The following GMCL1 variants were observed in gnomAD, a reference collection of about 807,000 sequenced individuals.
The protein encoded by GMCL1 is germ cell-less 1, spermatogenesis associated.
A neutral mutation model predicts 75.5 loss-of-function variants in GMCL1; 54 were observed. The ratio of observed to expected loss-of-function variants is 0.71; its 90% CI spans 0.57 to 0.90. The LOEUF (loss-of-function observed/expected upper bound fraction) is 0.90. Ranked by LOEUF, GMCL1 falls within the 40% of genes least tolerant of loss-of-function variation. GMCL1 has a pLI of 0.00. For synonymous variants in GMCL1, 210 were observed against 209.6 expected (o/e 1.00, Z -0.02); for missense variants, 537 against 622.7 (o/e 0.86, Z 1.47).
intron 2 of GMCL1, 35 bp from the exon 3 acceptor site, chr2:69,839,422 T>C: frequency 7.9e-7 from 1 of 1,273,398 alleles, no homozygotes. Context: ...ACACAGAAAG[T>C]ACTTGATAAT....
At chr2:69,841,067 G>T (rs780378262) in intron 4 of GMCL1, 28 bp downstream of exon 4, 3 of 1,505,444 alleles carry the variant, frequency 2.0e-6, no homozygotes, top group East Asian at 4.5e-5. Context: ...TCGAAGAAAG[G>T]TTCAGAATAA....
intron 7 of GMCL1, among the ~76,000 whole-genome samples, chr2:69,849,211 C>T (rs1405985087): frequency 6.6e-6 from 1 of 152,002 alleles, no homozygotes; most frequent in Non-Finnish European, 1.5e-5. Flanking sequence ...CGCTCTGTCA[C>T]CTAGACTAGA....
At chr2:69,846,304 C>A (rs922078026) in intron 6 of GMCL1, among the ~76,000 whole-genome samples, 1 of 151,764 alleles carries the variant, frequency 6.6e-6, no homozygotes, top group Non-Finnish European at 1.5e-5. Context: ...TACCAACTGC[C>A]GATTGAAAAG....
chr2:69,855,110 G>A, intron 9 of GMCL1, 150 bp downstream of exon 9: 1 of 575,564 alleles, frequency 1.7e-6, no homozygotes, highest in Non-Finnish European at 2.9e-6. Flanking sequence ...TCCTATAGAA[G>A]TAATTTTCTG....
chr2:69,830,021 C>T lies in GMCL1; in HGVS notation c.129C>T (p.Phe43=). The change falls in exon 1 of 14, where the codon TTC becomes TTT. Residue 43 remains phenylalanine (F), a synonymous_variant. Coordinates refer to ENST00000282570, the MANE Select transcript of GMCL1 (RefSeq NM_178439.5). ...DTGDDAAGHG[F]CYCAGSHKRK... Reference sequence around the variant, plus strand: ...GAGACGATGCGGCGGGCCACGGATTCTGTTACTGTGCGGGCAGCCACAAGC... The same window carrying T: ...GAGACGATGCGGCGGGCCACGGATTTTGTTACTGTGCGGGCAGCCACAAGC... 1 of 1,564,052 alleles carries T rather than the reference C, an allele frequency of 6.4e-7. No homozygotes were observed.
chr2:69,878,442 T>TTC (rs991452217), intron 13 of GMCL1, among the ~76,000 whole-genome samples: 1 of 151,942 alleles, frequency 6.6e-6, no homozygotes, highest in African/African-American at 2.4e-5. Flanking sequence ...AGCCCAGGAG[T>TTC]TCAAGGCCAG....
chr2:69,858,035 C>A (rs893296662), intron 9 of GMCL1, among the ~76,000 whole-genome samples: 7 of 152,088 alleles, frequency 4.6e-5, no homozygotes, highest in African/African-American at 1.7e-4. Flanking sequence ...TAAATAAATT[C>A]AATCTAATGT....
chr2:69,874,899 G>C (rs1382340351), intron 13 of GMCL1, among the ~76,000 whole-genome samples: 1 of 151,732 alleles, frequency 6.6e-6, no homozygotes, highest in Non-Finnish European at 1.5e-5. Context: ...GCACCACCAT[G>C]CCCAGCTAAC....
rs777914267 is a variant in GMCL1, at chr2:69,829,867, C to T, written c.-26C>T. 5.8e-5 allele frequency: 90 copies of T among 1,550,266 alleles called. No homozygotes were observed. Among genetic ancestry groups the T allele is most frequent in the Non-Finnish European group, 7.2e-5 (83 of 1,150,908 alleles). On this transcript the variant is annotated 5_prime_UTR_variant, in exon 1 of 14. Coordinates refer to ENST00000282570, the MANE Select transcript of GMCL1 (RefSeq NM_178439.5). ...GCGGGAGACCCCCTTCTCTGGGCTC[C>T]CTGAAGTCTCGGGGAGCCGTGACCC...
At chr2:69,837,415 A>G (rs1674849898) in intron 1 of GMCL1, 132 bp from the exon 2 acceptor site, 2 of 746,406 alleles carry the variant, frequency 2.7e-6, no homozygotes. Context: ...CTATCTCCCT[A>G]TCCTTTTACA....
chr2:69,860,729 A>G (rs749423307), intron 9 of GMCL1, among the ~76,000 whole-genome samples: 1 of 152,244 alleles, frequency 6.6e-6, no homozygotes, highest in Non-Finnish European at 1.5e-5. Context: ...TAATAAGTAC[A>G]GTCTAGCCTG....
At chr2:69,843,388 T>G in intron 5 of GMCL1, 127 bp downstream of exon 5, 1 of 563,528 alleles carries the variant, frequency 1.8e-6, no homozygotes, top group Non-Finnish European at 3.2e-6. Context: ...GGATGGAATT[T>G]TATTAAATAA....
At chr2:69,877,031 A>G (rs1384713176) in intron 13 of GMCL1, among the ~76,000 whole-genome samples, 2 of 152,100 alleles carry the variant, frequency 1.3e-5, no homozygotes, top group Non-Finnish European at 1.5e-5. Flanking sequence ...ACAACAACAA[A>G]TACCCAGAAA....
intron 11 of GMCL1, among the ~76,000 whole-genome samples, chr2:69,865,794 G>C (rs1024950272): frequency 1.3e-5 from 2 of 152,032 alleles, no homozygotes; most frequent in African/African-American, 4.8e-5. Context: ...GTTAGAGACA[G>C]GCTCTCCCTC....
At chr2:69,853,340 T>G in intron 8 of GMCL1, among the ~76,000 whole-genome samples, 1 of 152,234 alleles carries the variant, frequency 6.6e-6, no homozygotes, top group Admixed American at 6.5e-5. Context: ...TTTAATGAAT[T>G]TACTGCTTTC....
At chr2:69,854,646 A>G (rs1215517993) in intron 8 of GMCL1, among the ~76,000 whole-genome samples, 177 bp from the exon 9 acceptor site, 1 of 152,230 alleles carries the variant, frequency 6.6e-6, no homozygotes, top group Admixed American at 6.5e-5. Context: ...GGATTTTAAA[A>G]TAAATCTCCT....
chr2:69,846,217 T>C (rs1034899553), intron 6 of GMCL1, among the ~76,000 whole-genome samples: 5 of 152,304 alleles, frequency 3.3e-5, no homozygotes, highest in East Asian at 3.9e-4. Context: ...CACCGTAGAA[T>C]GTTTGATTTG....
chr2:69,836,183 C>T (rs60483174), intron 1 of GMCL1, among the ~76,000 whole-genome samples: 31,400 of 152,066 alleles, frequency 0.21, 3,417 homozygotes, highest in African/African-American at 0.25. Context: ...GCTTAGCCTC[C>T]ATCCTAGTCC....
At chr2:69,868,183 T>G (rs933397923) in intron 11 of GMCL1, among the ~76,000 whole-genome samples, 43 of 152,036 alleles carry the variant, frequency 2.8e-4, no homozygotes, top group Non-Finnish European at 3.8e-4. Flanking sequence ...AAAAATTGCT[T>G]GAACCCAGGA....
Sources: gnomAD v4.1 joint callset for allele counts (sites outside exome capture counted in the v4.1 genomes callset) on GRCh38, gnomAD v4.1.1 for gene constraint, MANE v1.5 for transcripts, NCBI Gene and HGNC (gene_info 2026-07-23, HGNC 2026-07-21) for gene names.